The following RNF212 variants were observed in gnomAD, a reference collection of about 807,000 sequenced individuals.
RNF212 encodes the protein ring finger protein 212.
Under a neutral mutation model 34.7 loss-of-function variants are expected in RNF212, and 33 were observed. That is an observed-to-expected ratio of 0.95 (90% CI 0.72 to 1.27). The LOEUF (loss-of-function observed/expected upper bound fraction) is 1.27, where lower values mean the gene tolerates loss of function less well. Ranked by LOEUF, RNF212 falls within the 50% of genes most tolerant of loss-of-function variation. The pLI is 0.00. For missense variants in RNF212, 377 were observed against 362.2 expected (o/e 1.04, Z -0.33); for synonymous variants, 140 against 136.1 (o/e 1.03, Z -0.20).
At chr4:1,098,643 T>A (rs992870627) in intron 2 of RNF212, among the ~76,000 whole-genome samples, 12 of 152,326 alleles carry the variant, frequency 7.9e-5, no homozygotes, top group Admixed American at 5.9e-4. Flanking sequence ...GCTCAGAGTC[T>A]GGCCTAAATC....
rs1718609878 is a variant in RNF212, at chr4:1,072,480, G to C, written c.*394C>G. 1.6e-5 allele frequency: 3 copies of C among 189,180 alleles called. No homozygotes were observed. The South Asian group carries it at 3.3e-4, about 21-fold the overall frequency. The allele number at this position is 189,180 out of a possible 1,614,324, so 11.7% of individuals were successfully genotyped here. A position where few individuals can be genotyped will look rare whatever the true frequency, so the allele number is the denominator to read the frequency against. The stretch of plus-strand genomic sequence containing the variant: ...TGCTCTGGTGGAGGATGAGGATGAT[G>C]GGGGAGCTGTGCGTGTGTGGAGTCA... On this transcript the variant is annotated 3_prime_UTR_variant, in exon 10 of 10. Coordinates refer to ENST00000433731, the MANE Select transcript of RNF212 (RefSeq NM_001131034.4).
rs1720403532 is a variant in RNF212, at chr4:1,081,830, C to T, written c.363-211G>A. 5.4e-6 allele frequency: 3 copies of T among 557,292 alleles called. No individual in the cohort carries two copies. In the African/African-American group the frequency reaches 5.7e-5, roughly 10 times the overall value. 34.5% of individuals were successfully genotyped at this position (557,292 alleles called of 1,614,324 possible). On this transcript the variant is annotated intron_variant, in intron 5 of 9. Transcript: ENST00000433731. The stretch of plus-strand genomic sequence containing the variant: ...TAGCGCTGAAGCCAAGTGAACTCAA[C>T]ACCCCACTGCCATTTACATCACTGG...
At chr4:1,064,488 C>T (rs12233733) in intron 3 of RNF212, among the ~76,000 whole-genome samples, 40,971 of 152,010 alleles carry the variant, frequency 0.27, 6,365 homozygotes, top group African/African-American at 0.44. Context: ...GTTTATTTCT[C>T]GCAGTTCTGG....
At chr4:1,064,528 G>C (rs557412506) in intron 3 of RNF212, among the ~76,000 whole-genome samples, 267 of 152,332 alleles carry the variant, frequency 1.8e-3, no homozygotes, top group Admixed American at 2.3e-3. Context: ...GATGCTGGCT[G>C]ATGGGGGTCC....
intron 5 of RNF212, 50 bp downstream of exon 5, chr4:1,085,846 A>G (rs573845600): frequency 2.4e-6 from 3 of 1,252,576 alleles, no homozygotes; most frequent in African/African-American, 1.5e-5. Context: ...ACCAATGCAC[A>G]TGGCAGTGGG....
intron 8 of RNF212, among the ~76,000 whole-genome samples, chr4:1,078,052 G>A (rs1057279651): frequency 1.6e-4 from 25 of 152,032 alleles, no homozygotes; most frequent in African/African-American, 5.3e-4. Context: ...TTCTGACTCC[G>A]GGTCCCTCCA....
chr4:1,085,166 C>T (rs1192864966), intron 5 of RNF212, among the ~76,000 whole-genome samples: 1 of 152,228 alleles, frequency 6.6e-6, no homozygotes, highest in South Asian at 2.1e-4. Flanking sequence ...CAACGCGTCT[C>T]GTAGAATCTA....
downstream of RNF212, among the ~76,000 whole-genome samples, chr4:1,068,758 T>C (rs1279998877): frequency 6.6e-6 from 1 of 152,266 alleles, no homozygotes; most frequent in African/African-American, 2.4e-5. Context: ...CAATGAATTC[T>C]GTTTCTGTTA....
rs1162451688 is a variant in RNF212, at chr4:1,072,638, T to C, written c.*236A>G. The C allele has an allele frequency of 7.2e-6, 8 of 1,106,758 alleles. No individual in the cohort carries two copies. The highest frequency in any genetic ancestry group is 7.9e-6 in the Non-Finnish European group (7 of 882,414). The allele number at this position is 1,106,758 out of a possible 1,614,324, so 68.6% of individuals were successfully genotyped here. On this transcript the variant is annotated 3_prime_UTR_variant, in exon 10 of 10. Transcript: ENST00000433731. ...ATGTGAAAAAAAAACTCCCTAAGCA[T>C]GAGAACCTATAAAATAAAAGGGATA... is the stretch of plus-strand genomic sequence containing the variant.
intron 2 of RNF212, among the ~76,000 whole-genome samples, chr4:1,104,065 T>C (rs1423854366): frequency 6.6e-6 from 1 of 152,246 alleles, no homozygotes; most frequent in Non-Finnish European, 1.5e-5. Flanking sequence ...CATTTTTATA[T>C]ACTAGCAATA....
At chr4:1,059,669 G>A (rs938699373) in intron 3 of RNF212, among the ~76,000 whole-genome samples, 8 of 152,318 alleles carry the variant, frequency 5.3e-5, no homozygotes, top group African/African-American at 1.7e-4. Flanking sequence ...CCTCATAGCC[G>A]TTGCCTCCTC....
At chr4:1,109,055 G>A (rs1288333804) in intron 1 of RNF212, among the ~76,000 whole-genome samples, 13 of 148,516 alleles carry the variant, frequency 8.8e-5, no homozygotes, top group African/African-American at 2.7e-4. Context: ...TCACCCAGGC[G>A]GGAGTGTAAT....
chr4:1,083,001 C>CG (rs1180086057), intron 5 of RNF212, among the ~76,000 whole-genome samples: 2 of 152,074 alleles, frequency 1.3e-5, no homozygotes, highest in African/African-American at 4.8e-5. Context: ...ACAGTGAGGC[C>CG]GGGCAAGACG....
At chr4:1,108,156 TAAGA>T (rs1725108651) in intron 2 of RNF212, among the ~76,000 whole-genome samples, 183 bp downstream of exon 2, 1 of 152,214 alleles carries the variant, frequency 6.6e-6, no homozygotes, top group African/African-American at 2.4e-5. Flanking sequence ...AATCTATAGC[TAAGA>T]AAGTTTTAAA....
intron 1 of RNF212, among the ~76,000 whole-genome samples, chr4:1,110,815 T>C (rs898300901): frequency 6.6e-6 from 1 of 152,184 alleles, no homozygotes; most frequent in Admixed American, 6.5e-5. Flanking sequence ...ACCACTTTTT[T>C]GTGTGTCTTT....
intron 3 of RNF212, among the ~76,000 whole-genome samples, chr4:1,092,352 G>T (rs1010075739): frequency 2.6e-5 from 4 of 152,198 alleles, no homozygotes; most frequent in Non-Finnish European, 4.4e-5. Flanking sequence ...AGCAGATGGG[G>T]TGAGTTCTAC....
At chr4:1,096,740 C>G in intron 3 of RNF212, 25 bp downstream of exon 3, 3 of 1,581,530 alleles carry the variant, frequency 1.9e-6, no homozygotes, top group Non-Finnish European at 2.6e-6. Context: ...CATCACGGAA[C>G]CAAGCCACAC....
chr4:1,075,634 G>A (rs759869773), intron 8 of RNF212, among the ~76,000 whole-genome samples: 20 of 152,210 alleles, frequency 1.3e-4, no homozygotes, highest in Non-Finnish European at 2.2e-4. Context: ...ATTCGGGCAG[G>A]GACAAATATC....
At chr4:1,086,138 G>A (rs1329019138) in intron 4 of RNF212, among the ~76,000 whole-genome samples, 184 bp from the exon 5 acceptor site, 1 of 152,198 alleles carries the variant, frequency 6.6e-6, no homozygotes, top group East Asian at 1.9e-4. Flanking sequence ...GGCCTTGGGG[G>A]CCATGCAGAG....
Sources: gnomAD v4.1 joint callset for allele counts (sites outside exome capture counted in the v4.1 genomes callset) on GRCh38, gnomAD v4.1.1 for gene constraint, MANE v1.5 for transcripts, NCBI Gene and HGNC (gene_info 2026-07-23, HGNC 2026-07-21) for gene names.